ERN1: variants seen among roughly 807,000 people sequenced by gnomAD.
ERN1 encodes the protein endoplasmic reticulum to nucleus signaling 1, also known as serine/threonine-protein kinase/endoribonuclease IRE1.
Under a neutral mutation model 113.1 loss-of-function variants are expected in ERN1, and 39 were observed. The observed-to-expected ratio is 0.34, with a 90% CI of 0.27 to 0.45. ERN1 has a LOEUF of 0.45. Ranked by LOEUF, ERN1 falls within the 20% of genes least tolerant of loss-of-function variation. ERN1 has a pLI of 1.00. For missense variants in ERN1, 976 were observed against 1,274.8 expected (o/e 0.77, Z 3.57); for synonymous variants, 507 against 515.9 (o/e 0.98, Z 0.23).
At chr17:64,061,232 T>C (rs985193283) in intron 10 of ERN1, among the ~76,000 whole-genome samples, 9 of 152,238 alleles carry the variant, frequency 5.9e-5, no homozygotes, top group African/African-American at 2.2e-4. Context: ...CTGTAAGAGA[T>C]ACAAAGCTGA....
chr17:64,057,917 T>C lies in ERN1; in HGVS notation c.1283A>G (p.His428Arg), dbSNP rs746595893. 1.2e-5 allele frequency: 20 copies of C among 1,611,540 alleles called. No individual in the cohort carries two copies. Among genetic ancestry groups the C allele is most frequent in the Middle Eastern group, 3.3e-4 (2 of 6,078 alleles). The change falls in exon 12 of 22, where the codon CAT becomes CGT. Residue 428 changes from histidine (H) to arginine (R), a missense_variant. Physicochemically the swap from His to Arg is conservative, Grantham distance 29 (BLOSUM62 0). Transcript: ENST00000433197. ...VSRDVEEKPAHAPARPEAPVD... is the reference protein window; with the variant it reads ...VSRDVEEKPARAPARPEAPVD... ...GGGGGCCTCGGGCCGGGCAGGGGCATGGGCGGGCTTCTCCTCCACATCCCG... is the reference window on the plus strand; with the variant it reads ...GGGGGCCTCGGGCCGGGCAGGGGCACGGGCGGGCTTCTCCTCCACATCCCG...
At position 64,075,161 on chromosome 17, in the gene ERN1, A is replaced by C. The variant is rs1172283830; in HGVS notation, c.355+14T>G. 1 of 1,539,522 alleles carries C rather than the reference A, an allele frequency of 6.5e-7. No individual in the cohort carries two copies. Among genetic ancestry groups the C allele is most frequent in the Non-Finnish European group, 8.8e-7 (1 of 1,136,856 alleles). On this transcript the variant is annotated intron_variant, in intron 5 of 21. Coordinates refer to ENST00000433197, the MANE Select transcript of ERN1 (RefSeq NM_001433.5). ...ATCAAAGAGACACAAGTTTCTGGAG[A>C]CAGGAACTCTTACCCATGTAGAGGA... is the stretch of plus-strand genomic sequence containing the variant.
chr17:64,112,550 T>C (rs17641560), intron 1 of ERN1, among the ~76,000 whole-genome samples: 1 of 152,122 alleles, frequency 6.6e-6, no homozygotes, highest in Non-Finnish European at 1.5e-5. Context: ...CTGAGCAGTA[T>C]AATGTGGTTG....
chr17:64,126,508 G>A (rs904410352), intron 1 of ERN1, among the ~76,000 whole-genome samples: 1 of 151,850 alleles, frequency 6.6e-6, no homozygotes, highest in Non-Finnish European at 1.5e-5. Flanking sequence ...ATTTATGTTC[G>A]GAAATATGGG....
chr17:64,054,568 G>A lies in ERN1; in HGVS notation c.1764-129C>T. ...AGAGAGCCCCGCCTGACTGCCTGGTGGCCCCGGAATCATCGCTTGTCTCAG... is the reference window on the plus strand; with the variant it reads ...AGAGAGCCCCGCCTGACTGCCTGGTAGCCCCGGAATCATCGCTTGTCTCAG... On this transcript the variant is annotated intron_variant, in intron 14 of 21. Transcript: ENST00000433197. This position sits in a 1 kb window ranked among gnomAD's most constrained non-coding sequence, Gnocchi z 4.9. The A allele has an allele frequency of 9.4e-7, 1 of 1,065,098 alleles. No individual in the cohort carries two copies. The highest frequency in any genetic ancestry group is 1.4e-6 in the Non-Finnish European group (1 of 739,664). 66.0% of individuals were successfully genotyped at this position (1,065,098 alleles called of 1,614,324 possible). A position where few individuals can be genotyped will look rare whatever the true frequency, so the allele number is the denominator to read the frequency against.
At chr17:64,070,729 T>C (rs1016780512) in intron 6 of ERN1, among the ~76,000 whole-genome samples, 1 of 152,246 alleles carries the variant, frequency 6.6e-6, no homozygotes, top group African/African-American at 2.4e-5. Context: ...TGCTCAATTG[T>C]AATGAATTCA....
chr17:64,117,712 C>T (rs1914847307), intron 1 of ERN1, among the ~76,000 whole-genome samples: 1 of 152,124 alleles, frequency 6.6e-6, no homozygotes, highest in African/African-American at 2.4e-5. Context: ...GCCCTAGGCC[C>T]TATACAAGAC....
intron 2 of ERN1, 78 bp from the exon 3 acceptor site, chr17:64,080,886 C>T: frequency 7.1e-7 from 1 of 1,415,694 alleles, no homozygotes; most frequent in Non-Finnish European, 9.8e-7. Flanking sequence ...CAGGACCAGG[C>T]CAAGTTGTAC....
At chr17:64,067,051 T>G in intron 7 of ERN1, 119 bp from the exon 8 acceptor site, 3 of 1,055,094 alleles carry the variant, frequency 2.8e-6, no homozygotes, top group Non-Finnish European at 2.8e-6. Context: ...TGGAATATTC[T>G]CAGATCTCCT....
intron 10 of ERN1, 59 bp from the exon 11 acceptor site, chr17:64,060,646 A>G: frequency 7.8e-7 from 1 of 1,280,074 alleles, no homozygotes; most frequent in Non-Finnish European, 1.1e-6. Flanking sequence ...GTGGCACTCA[A>G]TGCTAAACTT....
At chr17:64,096,742 G>A (rs1914241194) in intron 2 of ERN1, among the ~76,000 whole-genome samples, 1 of 152,178 alleles carries the variant, frequency 6.6e-6, no homozygotes, top group South Asian at 2.1e-4. Flanking sequence ...TAATTCTTAT[G>A]TTTGACTAAG....
intron 16 of ERN1, 34 bp downstream of exon 16, chr17:64,053,238 C>T (rs931234915): frequency 3.9e-6 from 6 of 1,536,678 alleles, no homozygotes; most frequent in East Asian, 2.3e-5. Flanking sequence ...TCTCCCCACC[C>T]GGGCCGCTGG....
intron 1 of ERN1, among the ~76,000 whole-genome samples, chr17:64,124,556 A>T (rs567738583): frequency 6.6e-6 from 1 of 152,278 alleles, no homozygotes; most frequent in Non-Finnish European, 1.5e-5. Flanking sequence ...AGCTCCCTGC[A>T]CAAGCTCTCT....
chr17:64,050,647 G>T (rs1912654099), intron 17 of ERN1, among the ~76,000 whole-genome samples: 1 of 152,176 alleles, frequency 6.6e-6, no homozygotes, highest in Non-Finnish European at 1.5e-5. Flanking sequence ...CCATGCAGAA[G>T]TCACAGAAGT....
At position 64,054,535 on chromosome 17, in the gene ERN1, C is replaced by T; in HGVS notation, c.1764-96G>A. The T allele has an allele frequency of 2.4e-6, 3 of 1,273,862 alleles. No individual in the cohort carries two copies. Among genetic ancestry groups the T allele is most frequent in the Admixed American group, 2.2e-5 (1 of 45,508 alleles). The allele number at this position is 1,273,862 out of a possible 1,614,324, so 78.9% of individuals were successfully genotyped here. On this transcript the variant is annotated intron_variant, in intron 14 of 21. Transcript: ENST00000433197. The surrounding 1 kb of genome is among the most constrained non-coding windows in gnomAD (Gnocchi z 4.9). The stretch of plus-strand genomic sequence containing the variant: ...GGTCCACAGCATTCACCTACTGCCT[C>T]CCAGCCTAGAGAGCCCCGCCTGACT...
At chr17:64,050,495 C>T (rs921782513) in intron 17 of ERN1, among the ~76,000 whole-genome samples, 8 of 152,030 alleles carry the variant, frequency 5.3e-5, no homozygotes, top group Non-Finnish European at 4.4e-5. Context: ...TAGAAAGACT[C>T]GATAAAGGAA....
intron 12 of ERN1, among the ~76,000 whole-genome samples, chr17:64,057,280 T>G (rs1912900733): frequency 1.3e-5 from 2 of 152,224 alleles, no homozygotes; most frequent in South Asian, 4.1e-4. Context: ...ACACTAAGAT[T>G]TAGGAACAAA....
At chr17:64,103,097 G>A (rs1017833660) in intron 1 of ERN1, 19 of 284,436 alleles carry the variant, frequency 6.7e-5, no homozygotes, top group Non-Finnish European at 9.5e-5. Flanking sequence ...AGCAGTATAA[G>A]GGTCCTCACT....
chr17:64,115,690 T>C (rs1914786037), intron 1 of ERN1, among the ~76,000 whole-genome samples: 2 of 152,214 alleles, frequency 1.3e-5, no homozygotes. Flanking sequence ...GGTATCCTCA[T>C]GAGTCTGGAA....
Sources: allele counts gnomAD v4.1 joint callset (sites outside exome capture counted in the v4.1 genomes callset), GRCh38; gene constraint gnomAD v4.1.1; non-coding constraint Gnocchi (gnomAD v3.1); transcripts MANE v1.5; gene names NCBI Gene and HGNC (gene_info 2026-07-23, HGNC 2026-07-21).